Variants in PPFIA2 observed in about 807,000 individuals in gnomAD.
PPFIA2 encodes PPFI scaffold protein A2, also known as liprin-alpha-2.
A neutral mutation model predicts 175.5 loss-of-function variants in PPFIA2; 46 were observed. That is an observed-to-expected ratio of 0.26 (90% confidence interval 0.21 to 0.34). The LOEUF is 0.34. PPFIA2 is among the 10% of genes least tolerant of loss of function. PPFIA2 has a pLI of 1.00. For synonymous variants in PPFIA2, 568 were observed against 511.4 expected (o/e 1.11, Z -1.49); for missense variants, 1,179 against 1,506.1 (o/e 0.78, Z 3.60).
At chr12:81,495,410 G>A (rs573709210) in intron 4 of PPFIA2, among the ~76,000 whole-genome samples, 1 of 152,008 alleles carries the variant, frequency 6.6e-6, no homozygotes, top group South Asian at 2.1e-4. Context: ...CTAAATTGTA[G>A]TTCCTTTTTT....
chr12:81,580,536 A>G (rs1567427305), intron 4 of PPFIA2, among the ~76,000 whole-genome samples: 1 of 151,648 alleles, frequency 6.6e-6, no homozygotes, highest in Non-Finnish European at 1.5e-5. Flanking sequence ...GCCTGATATT[A>G]AATACACATT....
chr12:81,425,581 T>C (rs189317081), intron 7 of PPFIA2, among the ~76,000 whole-genome samples: 196 of 152,288 alleles, frequency 1.3e-3, no homozygotes, highest in Middle Eastern at 3.4e-3. Context: ...TTAGCCAGGA[T>C]GGTCTCAAAG....
intron 4 of PPFIA2, among the ~76,000 whole-genome samples, chr12:81,655,391 T>C (rs1037755164): frequency 1.3e-5 from 2 of 151,656 alleles, no homozygotes; most frequent in Non-Finnish European, 2.9e-5. Flanking sequence ...GTTTATATAA[T>C]TGATTTTTAG....
chr12:81,529,550 G>A (rs915968475), intron 4 of PPFIA2, among the ~76,000 whole-genome samples: 1 of 130,760 alleles, frequency 7.6e-6, no homozygotes, highest in Admixed American at 7.9e-5. Flanking sequence ...GTGGCGGGGG[G>A]GCAGTGGAAA....
At chr12:81,342,907 TA>T (rs2140386243) in intron 19 of PPFIA2, among the ~76,000 whole-genome samples, 1 of 151,248 alleles carries the variant, frequency 6.6e-6, no homozygotes, top group East Asian at 2.0e-4. Context: ...CATATGTAAC[TA>T]ACCGGCACAT....
chr12:81,493,785 TATAC>T (rs1255749114), intron 4 of PPFIA2, among the ~76,000 whole-genome samples: 1 of 136,882 alleles, frequency 7.3e-6, no homozygotes, highest in East Asian at 2.0e-4. Flanking sequence ...TATATATATA[TATAC>T]ACATTGGAAA....
At chr12:81,602,419 A>AGTTTTAAACTAGCTTATGTTTCAATTC (rs1567531393) in intron 4 of PPFIA2, among the ~76,000 whole-genome samples, 1 of 151,830 alleles carries the variant, frequency 6.6e-6, no homozygotes, top group African/African-American at 2.4e-5. Flanking sequence ...CTGTTCCCAG[A>AGTTTTAAACTAGCTTATGTTTCAATTC]AGTAAGTAGA....
At chr12:81,614,925 G>A (rs1475118307) in intron 4 of PPFIA2, among the ~76,000 whole-genome samples, 1 of 152,070 alleles carries the variant, frequency 6.6e-6, no homozygotes, top group Non-Finnish European at 1.5e-5. Context: ...CTAATAAGTT[G>A]GAAAGTCACA....
At chr12:81,291,613 C>A (rs990082933) in intron 24 of PPFIA2, among the ~76,000 whole-genome samples, 2 of 151,788 alleles carry the variant, frequency 1.3e-5, no homozygotes, top group African/African-American at 4.8e-5. Context: ...TGATGGAAAC[C>A]TGATGCTATC....
chr12:81,349,230 T>TACCAA (rs1230327997), intron 17 of PPFIA2, among the ~76,000 whole-genome samples: 1 of 152,148 alleles, frequency 6.6e-6, no homozygotes, highest in Non-Finnish European at 1.5e-5. Flanking sequence ...AGAAAGTACT[T>TACCAA]TGGTAGTCTA....
At chr12:81,392,406 G>C (rs549019659) in intron 8 of PPFIA2, among the ~76,000 whole-genome samples, 1 of 151,842 alleles carries the variant, frequency 6.6e-6, no homozygotes, top group African/African-American at 2.4e-5. Flanking sequence ...GCAAGCTATT[G>C]TATAAGCCCA....
chr12:81,468,542 G>A (rs1317557588), intron 4 of PPFIA2, among the ~76,000 whole-genome samples: 1 of 152,176 alleles, frequency 6.6e-6, no homozygotes, highest in Non-Finnish European at 1.5e-5. Flanking sequence ...AACACCTGCT[G>A]TGGCAAACAC....
intron 5 of PPFIA2, among the ~76,000 whole-genome samples, chr12:81,456,107 T>A (rs1423960238): frequency 2.0e-4 from 31 of 152,184 alleles, no homozygotes; most frequent in Admixed American, 2.0e-3. Context: ...GTGTGCTGTG[T>A]TAAATCAAGG....
At chr12:81,715,807 ATTATC>A (rs1331707811) in intron 3 of PPFIA2, among the ~76,000 whole-genome samples, 2 of 151,736 alleles carry the variant, frequency 1.3e-5, no homozygotes, top group Non-Finnish European at 2.9e-5. Context: ...TTGATTTCAT[ATTATC>A]TTGTCTTTTT....
chr12:81,632,611 C>A (rs1321574446), intron 4 of PPFIA2, among the ~76,000 whole-genome samples: 2 of 152,138 alleles, frequency 1.3e-5, no homozygotes, highest in Non-Finnish European at 2.9e-5. Flanking sequence ...GCCCTCTTTG[C>A]CTTTCCAATT....
intron 4 of PPFIA2, among the ~76,000 whole-genome samples, chr12:81,594,694 T>C (rs907776278): frequency 4.6e-5 from 7 of 152,198 alleles, no homozygotes; most frequent in African/African-American, 1.7e-4. Flanking sequence ...GTTGGAGGAT[T>C]GCTTGAGCCC....
chr12:81,578,759 A>T (rs1188252449), intron 4 of PPFIA2, among the ~76,000 whole-genome samples: 1 of 151,786 alleles, frequency 6.6e-6, no homozygotes, highest in South Asian at 2.1e-4. Context: ...ATGGTAGCAT[A>T]TCTGTCCATC....
intron 4 of PPFIA2, among the ~76,000 whole-genome samples, chr12:81,559,808 T>G (rs1457513607): frequency 6.6e-6 from 1 of 151,552 alleles, no homozygotes; most frequent in African/African-American, 2.4e-5. Flanking sequence ...TTAGTTGTTT[T>G]TTTTTTTGTT....
At chr12:81,396,325 CATT>C in intron 8 of PPFIA2, among the ~76,000 whole-genome samples, 1 of 152,012 alleles carries the variant, frequency 6.6e-6, no homozygotes, top group East Asian at 1.9e-4. Context: ...ACATTACAGA[CATT>C]ATAAATAAGT....
Sources: allele counts gnomAD v4.1 joint callset (sites outside exome capture counted in the v4.1 genomes callset), GRCh38; gene constraint gnomAD v4.1.1; transcripts MANE v1.5; gene names NCBI Gene and HGNC (gene_info 2026-07-23, HGNC 2026-07-21).